FAM234A: variants seen among roughly 807,000 people sequenced by gnomAD.
The protein encoded by FAM234A is family with sequence similarity 234 member A, also known as protein FAM234A.
FAM234A carries 42 observed loss-of-function variants against 49.1 expected under a neutral mutation model. The observed-to-expected ratio is 0.86, with a 90% confidence interval of 0.67 to 1.11. The LOEUF (loss-of-function observed/expected upper bound fraction) is 1.11. Among genes scored for constraint, FAM234A ranks in the 50% least tolerant of loss-of-function variants. FAM234A has a pLI of 0.00. For missense variants in FAM234A, 815 were observed against 745.2 expected (o/e 1.09, Z -1.09); for synonymous variants, 369 against 316.2 (o/e 1.17, Z -1.77).
chr16:266,245 A>AG (rs2051689655), downstream of FAM234A: 1 of 268,462 alleles, frequency 3.7e-6, no homozygotes, highest in South Asian at 1.4e-4. Flanking sequence ...GGAGGCGAGC[A>AG]CCCCCACCCA....
At chr16:236,547 C>T (rs569550858) in intron 1 of FAM234A, among the ~76,000 whole-genome samples, 1 of 150,964 alleles carries the variant, frequency 6.6e-6, no homozygotes, top group African/African-American at 2.4e-5. Context: ...AGCTTGAACC[C>T]GAGAGGCAGA....
Position 259,582 on chromosome 16 carries a change from G to A in FAM234A, c.368G>A (p.Arg123Gln), listed in dbSNP as rs773982189. Residue 123 changes from arginine (R) to glutamine (Q), a missense_variant, in exon 4 of 13, where the codon CGA becomes CAA. By Grantham distance (43) the Arg-to-Gln change is conservative. Transcript: ENST00000399932. ...KNTNSSNNFS[R>Q]SCVDEGFSSP... Reference sequence around the variant, plus strand: ...ACCAACAGCAGCAACAATTTCAGCCGATCCTGTGTGGACGAAGGTAATTTC... The same window carrying A: ...ACCAACAGCAGCAACAATTTCAGCCAATCCTGTGTGGACGAAGGTAATTTC... 9.4e-6 allele frequency: 15 copies of A among 1,600,536 alleles called. No homozygotes were observed. Among genetic ancestry groups the A allele is most frequent in the African/African-American group, 4.0e-5 (3 of 74,624 alleles).
chr16:250,491 G>A (rs370914067), intron 2 of FAM234A, among the ~76,000 whole-genome samples: 2 of 152,024 alleles, frequency 1.3e-5, no homozygotes, highest in East Asian at 1.9e-4. Flanking sequence ...TTGATTTTCC[G>A]TGTTCTAACT....
chr16:269,394 G>C (rs2051811698), downstream of FAM234A: 2 of 1,596,442 alleles, frequency 1.3e-6, no homozygotes, highest in Middle Eastern at 1.7e-4. Context: ...CTGTGGGCGA[G>C]AAGGCGGCTG....
chr16:236,451 C>T (rs888000705), intron 1 of FAM234A, among the ~76,000 whole-genome samples: 3 of 151,390 alleles, frequency 2.0e-5, no homozygotes, highest in East Asian at 2.0e-4. Flanking sequence ...GGTGAAATCC[C>T]GTCTCTACTA....
chr16:251,679 G>GT (rs1172222528), intron 2 of FAM234A, among the ~76,000 whole-genome samples: 4,021 of 91,054 alleles, frequency 0.044, 712 homozygotes, highest in African/African-American at 0.16. Flanking sequence ...GCCTAGCCAG[G>GT]TTTTTTTTTT....
chr16:266,233 G>A (rs191187762), downstream of FAM234A: 76 of 379,368 alleles, frequency 2.0e-4, no homozygotes, highest in Non-Finnish European at 2.5e-4. Flanking sequence ...GAGGGCTGCC[G>A]AGGAGGCGAG....
rs1352584528 is a variant in FAM234A, at chr16:265,446, CG to C, written c.*425del. 1.0e-6 allele frequency: 1 copy of C among 996,530 alleles called. No individual in the cohort carries two copies. Among genetic ancestry groups the C allele is most frequent in the East Asian group, 1.1e-4 (1 of 9,218 alleles). 61.7% of individuals were successfully genotyped at this position (996,530 alleles called of 1,614,324 possible). A position where few individuals can be genotyped will look rare whatever the true frequency, so the allele number is the denominator to read the frequency against. Reference sequence around the variant, plus strand: ...GAACCAGGGTGTCCCCGGGACAGGCCGTCCCCCACCCCATCCTGTAGAAGTC... The same window carrying C: ...GAACCAGGGTGTCCCCGGGACAGGCCTCCCCCACCCCATCCTGTAGAAGTC... On this transcript the variant is annotated 3_prime_UTR_variant, in exon 13 of 13. Transcript: ENST00000399932.
chr16:239,729 T>C (rs2050546727), intron 1 of FAM234A, among the ~76,000 whole-genome samples: 1 of 152,152 alleles, frequency 6.6e-6, no homozygotes, highest in Non-Finnish European at 1.5e-5. Context: ...ACAAAACTTA[T>C]TCTGTGTAAT....
At chr16:269,407 A>G, downstream of FAM234A, 1 of 1,594,196 alleles carries the variant, frequency 6.3e-7, no homozygotes, top group East Asian at 2.3e-5. Context: ...GGCGGCTGAG[A>G]ACAGGCTGGC....
chr16:262,476 G>T lies in FAM234A; in HGVS notation c.894G>T (p.Gly298=). 6.2e-7 allele frequency: 1 copy of T among 1,612,350 alleles called. No homozygotes were observed. Among genetic ancestry groups the T allele is most frequent in the Non-Finnish European group, 8.5e-7 (1 of 1,179,230 alleles). ...SVKGLYEKVT[G]SGGPFKSDPH... is the part of the protein sequence containing the mutation. ...AGGGTCTCTACGAGAAGGTGACCGG[G>T]AGCGGCGGCCCGTTCAAGAGTGACC... Residue 298 remains glycine, a synonymous_variant, in exon 8 of 13, where the codon GGG becomes GGT. Coordinates refer to ENST00000399932, the MANE Select transcript of FAM234A (RefSeq NM_032039.4).
At chr16:259,776 C>T (rs948133452) in intron 4 of FAM234A, among the ~76,000 whole-genome samples, 177 bp downstream of exon 4, 14 of 152,176 alleles carry the variant, frequency 9.2e-5, no homozygotes, top group African/African-American at 3.1e-4. Flanking sequence ...CCAGCACTGC[C>T]CTGGCCCCTG....
In FAM234A at chr16:247,846, T is replaced by C. The variant is rs2141232676; in HGVS notation, c.-139-1703T>C. On this transcript the variant is annotated intron_variant, in intron 1 of 12. Coordinates refer to ENST00000399932, the MANE Select transcript of FAM234A (RefSeq NM_032039.4). ...GGTTTTAGAAACCTGTGTTTGTCAG[T>C]TAAAATGATGATCCTCCCAAAAATG... 1.3e-5 allele frequency among the ~76,000 whole-genome samples: 2 copies of C among 152,168 alleles called. 1 individual carries two copies. The highest frequency in any genetic ancestry group is 4.8e-5 in the African/African-American group (2 of 41,420).
At position 264,972 on chromosome 16, in the gene FAM234A, C is replaced by G. The variant is rs1420245050; in HGVS notation, c.1609C>G (p.Gln537Glu). ...RLGEGGPDSD[Q>E]AIRDRFSRLR... ...GGGTGAGGGTGGGCCAGACAGTGAC[C>G]AAGCCATCAGGGACCGGTTCTCCCG... Residue 537 changes from glutamine (Q) to glutamate (E), a missense_variant, in exon 13 of 13, where the codon CAA (glutamine) becomes GAA (glutamate). Gln to Glu is a conservative substitution (Grantham distance 29, BLOSUM62 2). Transcript: ENST00000399932. 1.2e-6 allele frequency: 2 copies of G among 1,612,466 alleles called. No homozygotes were observed. The highest frequency in any genetic ancestry group is 1.7e-5 in the Admixed American group (1 of 59,960).
chr16:244,919 C>T lies in FAM234A; in HGVS notation c.-139-4630C>T, dbSNP rs544412430. Among the ~76,000 whole-genome samples, 1,209 of 151,494 alleles carry T rather than the reference C, an allele frequency of 8.0e-3. 11 individuals carry two copies. Among genetic ancestry groups the T allele is most frequent in the Non-Finnish European group, 0.012 (787 of 67,828 alleles). Reference sequence around the variant, plus strand: ...GTTGGTCAGGCTGGTCTCAAACTCCCGACCTCAGGTGATCTGCCCGCCTCA... The same window carrying T: ...GTTGGTCAGGCTGGTCTCAAACTCCTGACCTCAGGTGATCTGCCCGCCTCA... On this transcript the variant is annotated intron_variant, in intron 1 of 12. Transcript: ENST00000399932.
chr16:265,231 C>T lies in FAM234A; in HGVS notation c.*209C>T. ...GGACACCCTGGGCCTCTCTCCCGCC[C>T]AGCATCCTCCCTGAGTCCCCACACA... On this transcript the variant is annotated 3_prime_UTR_variant, in exon 13 of 13. Coordinates refer to ENST00000399932, the MANE Select transcript of FAM234A (RefSeq NM_032039.4). 1 of 1,388,536 alleles carries T rather than the reference C, an allele frequency of 7.2e-7. No homozygotes were observed. Among genetic ancestry groups the T allele is most frequent in the Non-Finnish European group, 9.3e-7 (1 of 1,074,360 alleles). The allele number at this position is 1,388,536 out of a possible 1,614,324, so 86.0% of individuals were successfully genotyped here.
rs1263423776 is a variant in FAM234A at position 265,377 on chromosome 16, C to G, written c.*355C>G. The G allele has an allele frequency of 1.9e-6, 2 of 1,058,994 alleles. No homozygotes were observed. The highest frequency in any genetic ancestry group is 2.3e-6 in the Non-Finnish European group (2 of 877,260). The allele number at this position is 1,058,994 out of a possible 1,614,324, so 65.6% of individuals were successfully genotyped here. On this transcript the variant is annotated 3_prime_UTR_variant, in exon 13 of 13. Transcript: ENST00000399932. ...ACCCCATCCTTACCCGGTGCCCTCT[C>G]CTTGCCAGCTTCTCCCCAGGCCAGA... is the stretch of plus-strand genomic sequence containing the variant.
chr16:238,564 A>G (rs1248593786), intron 1 of FAM234A, among the ~76,000 whole-genome samples: 3 of 151,908 alleles, frequency 2.0e-5, no homozygotes, highest in Non-Finnish European at 4.4e-5. Context: ...CAGGAGATCG[A>G]GACCATCCTG....
chr16:259,641 AAG>A, intron 4 of FAM234A, 42 bp downstream of exon 4: 1 of 1,256,620 alleles, frequency 8.0e-7, no homozygotes, highest in Non-Finnish European at 1.2e-6. Context: ...TCCCTGTAGA[AAG>A]AGGAATCGTC....
Sources: allele counts gnomAD v4.1 joint callset (sites outside exome capture counted in the v4.1 genomes callset), GRCh38; gene constraint gnomAD v4.1.1; transcripts MANE v1.5; gene names NCBI Gene and HGNC (gene_info 2026-07-23, HGNC 2026-07-21).